The following PALM2AKAP2 variants were observed in gnomAD, a reference collection of about 807,000 sequenced individuals.
PALM2AKAP2 encodes PALM2-AKAP2 fusion protein.
Under a neutral mutation model 71.5 loss-of-function variants are expected in PALM2AKAP2, and 37 were observed. The ratio of observed to expected loss-of-function variants is 0.52; its 90% CI spans 0.40 to 0.68. PALM2AKAP2 has a LOEUF of 0.68. PALM2AKAP2 is among the 30% of genes least tolerant of loss of function. The pLI is 0.00. For missense variants in PALM2AKAP2, 1,224 were observed against 1,191.8 expected, an observed-to-expected ratio of 1.03 and a Z score of -0.40; for synonymous variants, 468 against 478.8, an observed-to-expected ratio of 0.98 and a Z score of 0.29.
At chr9:109,704,881 C>T (rs1262410802) in intron 1 of PALM2AKAP2, among the ~76,000 whole-genome samples, 1 of 152,198 alleles carries the variant, frequency 6.6e-6, no homozygotes, top group African/African-American at 2.4e-5. Flanking sequence ...CTGCTTTAAA[C>T]CATTCCTCTC....
intron 6 of PALM2AKAP2, among the ~76,000 whole-genome samples, chr9:109,956,849 A>G (rs1831755231): frequency 6.6e-6 from 1 of 152,170 alleles, no homozygotes. Context: ...ACATAATGCC[A>G]TGCCCACTTA....
At chr9:110,137,493 G>A (rs1356655008) in exon 2 of PALM2AKAP2, 2 of 1,614,194 alleles carry the variant, frequency 1.2e-6, no homozygotes, top group Admixed American at 1.7e-5. Flanking sequence ...GGGCCCTACA[G>A]CGAGCCTTCT....
chr9:109,984,904 G>A (rs1037694629), intron 6 of PALM2AKAP2, among the ~76,000 whole-genome samples: 2 of 152,080 alleles, frequency 1.3e-5, no homozygotes, highest in Non-Finnish European at 2.9e-5. Context: ...GCCGGGCGTG[G>A]TGGCTCACGC....
chr9:109,814,402 G>A (rs533766670), intron 1 of PALM2AKAP2, among the ~76,000 whole-genome samples: 47 of 152,324 alleles, frequency 3.1e-4, no homozygotes, highest in Non-Finnish European at 5.0e-4. Context: ...GAGCCTGAAC[G>A]ATTGTGGCAG....
chr9:110,145,189 A>G (rs544818114), intron 2 of PALM2AKAP2, among the ~76,000 whole-genome samples: 1 of 152,182 alleles, frequency 6.6e-6, no homozygotes, highest in Non-Finnish European at 1.5e-5. Flanking sequence ...TTTGACTCTC[A>G]GGGGCCATGA....
At chr9:109,899,396 G>A (rs142166563) in intron 3 of PALM2AKAP2, among the ~76,000 whole-genome samples, 178 of 152,166 alleles carry the variant, frequency 1.2e-3, no homozygotes, top group African/African-American at 4.2e-3. Flanking sequence ...TTCCATGACA[G>A]TAGTCCAGGC....
chr9:109,808,520 A>G (rs1827639780), intron 1 of PALM2AKAP2, among the ~76,000 whole-genome samples: 1 of 152,250 alleles, frequency 6.6e-6, no homozygotes, highest in Non-Finnish European at 1.5e-5. Flanking sequence ...TCAGTTTTAT[A>G]TATTCACAAA....
chr9:109,985,360 G>C (rs1588045013), intron 6 of PALM2AKAP2, among the ~76,000 whole-genome samples: 1 of 151,788 alleles, frequency 6.6e-6, no homozygotes, highest in Admixed American at 6.6e-5. Flanking sequence ...AAACTGTCTT[G>C]AGTAATCCCA....
chr9:109,952,798 C>T (rs1488677784), intron 6 of PALM2AKAP2, among the ~76,000 whole-genome samples: 2 of 152,160 alleles, frequency 1.3e-5, no homozygotes, highest in African/African-American at 2.4e-5. Flanking sequence ...ATTACACATC[C>T]CACAGTTCTA....
chr9:110,163,642 A>G (rs781261090), intron 3 of PALM2AKAP2, among the ~76,000 whole-genome samples: 4 of 152,188 alleles, frequency 2.6e-5, no homozygotes, highest in Non-Finnish European at 5.9e-5. Context: ...ATCATGTTGC[A>G]GTATCTTCTG....
In PALM2AKAP2 at chr9:109,865,096, C is replaced by CTTTTTTTTTTTTTTT. The variant is rs58922983; in HGVS notation, c.46-2389_46-2375dup. 1.3e-3 allele frequency among the ~76,000 whole-genome samples: 97 copies of CTTTTTTTTTTTTTTT among 75,648 alleles called. 21 individuals carry two copies. The highest frequency in any genetic ancestry group is 4.4e-3 in the African/African-American group (80 of 18,352). 49.6% of individuals were successfully genotyped at this position (75,648 alleles called of 152,430 possible). ...GTATCTACCTAAATCCTACTCATTC[C>CTTTTTTTTTTTTTTT]TTTTTTTTTTTTTTTTTTTTGAGAC... On this transcript the variant is annotated intron_variant, in intron 1 of 9. Transcript: ENST00000302798.
intron 1 of PALM2AKAP2, among the ~76,000 whole-genome samples, chr9:109,794,072 A>C (rs1425090518): frequency 3.3e-5 from 5 of 152,202 alleles, no homozygotes; most frequent in Admixed American, 1.3e-4. Context: ...TATCTAAAGA[A>C]ATCACTATTG....
chr9:109,988,031 G>T (rs1832411990), intron 6 of PALM2AKAP2, among the ~76,000 whole-genome samples: 1 of 152,168 alleles, frequency 6.6e-6, no homozygotes, highest in Admixed American at 6.5e-5. Flanking sequence ...TTTAGTATGG[G>T]TTCTGTTCTA....
At position 109,683,487 on chromosome 9, in the gene PALM2AKAP2, G is replaced by T. The variant is rs146338174; in HGVS notation, c.5+42621G>T. The stretch of plus-strand genomic sequence containing the variant: ...CCACCAGAAGCAGGGAGAGAAGGCA[G>T]GAATAGATTCTTCCTCATAACCTCC... On this transcript the variant is annotated intron_variant, in intron 1 of 6. Transcript: ENST00000374531. Among the ~76,000 whole-genome samples, 67 of 152,268 alleles carry T rather than the reference G, an allele frequency of 4.4e-4. 1 individual carries two copies. The East Asian group carries it at 0.012, about 27-fold the overall frequency.
rs78333661 is a variant in PALM2AKAP2 at position 109,907,580 on chromosome 9, C to T, written c.258-16155C>T. ...AGGAAGGGGTAGGGTTCAGTAGTTGCGCCTCTGAGAACATGACAGAGAACA... is the reference window on the plus strand; with the variant it reads ...AGGAAGGGGTAGGGTTCAGTAGTTGTGCCTCTGAGAACATGACAGAGAACA... On this transcript the variant is annotated intron_variant, in intron 3 of 9. Coordinates refer to the PALM2AKAP2 transcript ENST00000302798. 2.2e-4 allele frequency among the ~76,000 whole-genome samples: 33 copies of T among 152,252 alleles called. No individual in the cohort carries two copies. The East Asian group carries it at 4.8e-3, about 22-fold the overall frequency.
At chr9:110,085,024 G>A (rs1220221134) in intron 1 of PALM2AKAP2, among the ~76,000 whole-genome samples, 3 of 152,096 alleles carry the variant, frequency 2.0e-5, no homozygotes, top group African/African-American at 7.2e-5. Context: ...ACAGGCGTGA[G>A]CCACCGCGCC....
chr9:110,094,620 A>C (rs1456259908), intron 1 of PALM2AKAP2, among the ~76,000 whole-genome samples: 1 of 151,072 alleles, frequency 6.6e-6, no homozygotes, highest in East Asian at 2.0e-4. Context: ...CATACTTTTA[A>C]ACAACAAGAT....
chr9:109,890,545 C>T (rs1208443926), intron 3 of PALM2AKAP2, among the ~76,000 whole-genome samples: 2 of 152,120 alleles, frequency 1.3e-5, no homozygotes, highest in Admixed American at 1.3e-4. Flanking sequence ...AAGCAACTTC[C>T]GACATCAAGA....
intron 1 of PALM2AKAP2, among the ~76,000 whole-genome samples, chr9:109,832,715 T>TAG (rs1486262071): frequency 9.8e-5 from 15 of 152,310 alleles, no homozygotes; most frequent in African/African-American, 3.6e-4. Flanking sequence ...CCAAAGAACA[T>TAG]TATCAGACCC....
Sources: allele counts gnomAD v4.1 joint callset (sites outside exome capture counted in the v4.1 genomes callset), GRCh38; gene constraint gnomAD v4.1.1; transcripts MANE v1.5; gene names NCBI Gene and HGNC (gene_info 2026-07-23, HGNC 2026-07-21).